The following CNTN4 variants were observed in gnomAD, a reference collection of about 807,000 sequenced individuals.
The protein encoded by CNTN4 is contactin-4.
CNTN4 carries 77 observed loss-of-function variants against 122.5 expected under a neutral mutation model. The observed-to-expected ratio is 0.63, with a 90% CI of 0.52 to 0.76. The LOEUF is 0.76. CNTN4 is among the 30% of genes least tolerant of loss of function. The pLI, the probability that CNTN4 is intolerant of heterozygous loss-of-function variation, is 0.00. For synonymous variants in CNTN4, 512 were observed against 447.0 expected, an observed-to-expected ratio of 1.15 and a Z score of -1.83; for missense variants, 1,256 against 1,259.1, an observed-to-expected ratio of 1.00 and a Z score of 0.04.
At chr3:2,779,483 G>A (rs2149838507) in intron 6 of CNTN4, among the ~76,000 whole-genome samples, 1 of 152,280 alleles carries the variant, frequency 6.6e-6, no homozygotes, top group Middle Eastern at 3.4e-3. Context: ...ACAGGCATGA[G>A]CCACAGTTGG....
At chr3:2,905,952 G>A (rs1358499147) in intron 12 of CNTN4, among the ~76,000 whole-genome samples, 1 of 152,222 alleles carries the variant, frequency 6.6e-6, no homozygotes, top group Non-Finnish European at 1.5e-5. Flanking sequence ...CTCAGTGGAT[G>A]AATGGGCAAA....
At chr3:2,834,902 T>TTTTTTTTTTTTTTTTTTTTG (rs2093186596) in intron 7 of CNTN4, among the ~76,000 whole-genome samples, 1 of 104,084 alleles carries the variant, frequency 9.6e-6, no homozygotes, top group Non-Finnish European at 1.9e-5. Context: ...GGCAACCTTT[T>TTTTTTTTTTTTTTTTTTTTG]TTTTTTTTTT....
intron 2 of CNTN4, among the ~76,000 whole-genome samples, chr3:2,138,240 G>GT (rs1229810741): frequency 2.2e-4 from 34 of 151,906 alleles, no homozygotes; most frequent in East Asian, 1.2e-3. Context: ...TAATTTTTGT[G>GT]TTTTTTTACT....
At chr3:2,906,175 C>T (rs1368981724) in intron 12 of CNTN4, among the ~76,000 whole-genome samples, 4 of 150,592 alleles carry the variant, frequency 2.7e-5, no homozygotes, top group Non-Finnish European at 4.4e-5. Flanking sequence ...TTGTCAGGGT[C>T]GGGGGAATCG....
chr3:2,943,629 T>TAA (rs2094640201), intron 13 of CNTN4, among the ~76,000 whole-genome samples: 1 of 61,948 alleles, frequency 1.6e-5, no homozygotes, highest in Non-Finnish European at 3.4e-5. Flanking sequence ...TATATATATA[T>TAA]ATTTTTTTTT....
chr3:2,973,363 T>C (rs1400067202), intron 13 of CNTN4, among the ~76,000 whole-genome samples: 1 of 152,008 alleles, frequency 6.6e-6, no homozygotes, highest in Admixed American at 6.6e-5. Flanking sequence ...TAAATACAGC[T>C]GACACAACCT....
At position 2,261,694 on chromosome 3, in the gene CNTN4, T is replaced by C. The variant is rs565076275; in HGVS notation, c.-144-77484T>C. Among the ~76,000 whole-genome samples, 5 of 152,302 alleles carry C rather than the reference T, an allele frequency of 3.3e-5. No homozygotes were observed. The South Asian group carries it at 1.0e-3, about 32-fold the overall frequency. On this transcript the variant is annotated intron_variant, in intron 2 of 24. Transcript: ENST00000418658. ...ATTCTATGGAATAGTGAAGGCCCGC[T>C]TGCTTCATTGTGCTTTCCTTTAAGT...
chr3:2,895,791 T>A (rs1434927316), intron 10 of CNTN4, among the ~76,000 whole-genome samples: 1 of 152,148 alleles, frequency 6.6e-6, no homozygotes, highest in African/African-American at 2.4e-5. Flanking sequence ...TCCCAGCACT[T>A]TGGGAGGCCG....
At chr3:2,250,375 C>G (rs1389257982) in intron 2 of CNTN4, among the ~76,000 whole-genome samples, 1 of 151,810 alleles carries the variant, frequency 6.6e-6, no homozygotes, top group Non-Finnish European at 1.5e-5. Context: ...TGTAGTTAAA[C>G]AAAATTAGAT....
chr3:2,955,289 C>G (rs768932234), intron 13 of CNTN4, among the ~76,000 whole-genome samples: 4 of 152,150 alleles, frequency 2.6e-5, no homozygotes, highest in Non-Finnish European at 5.9e-5. Flanking sequence ...GCACCTAAAT[C>G]TTATTTATTA....
At chr3:2,601,955 C>T (rs1022863098) in intron 4 of CNTN4, among the ~76,000 whole-genome samples, 1 of 152,012 alleles carries the variant, frequency 6.6e-6, no homozygotes, top group Non-Finnish European at 1.5e-5. Flanking sequence ...AATCAATAAA[C>T]GTAATCCATC....
intron 3 of CNTN4, among the ~76,000 whole-genome samples, chr3:2,470,375 A>G: frequency 6.6e-6 from 1 of 152,100 alleles, no homozygotes; most frequent in South Asian, 2.1e-4. Context: ...GCGCCTGGCC[A>G]TGTTGCTTAT....
intron 2 of CNTN4, among the ~76,000 whole-genome samples, chr3:2,172,920 A>C (rs147375930): frequency 1.3e-5 from 2 of 152,318 alleles, no homozygotes; most frequent in East Asian, 3.9e-4. Flanking sequence ...GGGCCAAAAG[A>C]GAAGAAAGGC....
chr3:2,481,443 G>A (rs1319393680), intron 3 of CNTN4, among the ~76,000 whole-genome samples: 1 of 152,000 alleles, frequency 6.6e-6, no homozygotes, highest in East Asian at 1.9e-4. Flanking sequence ...GCCCAGCCAA[G>A]ATAGTCTTTT....
At chr3:2,613,888 C>G (rs1313190311) in intron 4 of CNTN4, among the ~76,000 whole-genome samples, 1 of 151,750 alleles carries the variant, frequency 6.6e-6, no homozygotes, top group Non-Finnish European at 1.5e-5. Context: ...TAAACCTCAC[C>G]AAATCTATCC....
intron 12 of CNTN4, among the ~76,000 whole-genome samples, chr3:2,919,189 CA>C (rs72363068): frequency 1.2e-3 from 172 of 137,940 alleles, no homozygotes; most frequent in South Asian, 3.5e-3. Context: ...ACTAAAAATA[CA>C]AAAAAAAAAA....
chr3:2,160,277 A>G lies in CNTN4; in HGVS notation c.-145+59638A>G, dbSNP rs75362547. Among the ~76,000 whole-genome samples, 608 of 152,200 alleles carry G rather than the reference A, an allele frequency of 4.0e-3. 11 individuals carry two copies. Among genetic ancestry groups the G allele is most frequent in the East Asian group, 0.017 (89 of 5,174 alleles). On this transcript the variant is annotated intron_variant, in intron 2 of 24. Transcript: ENST00000418658. Reference sequence around the variant, plus strand: ...GACTAAAACCATCGTTTTACTGAAAAAGCAATTGTGAACTAAATAGGAGAG... The same window carrying G: ...GACTAAAACCATCGTTTTACTGAAAGAGCAATTGTGAACTAAATAGGAGAG...
At chr3:2,558,168 C>T (rs1261885910) in intron 3 of CNTN4, among the ~76,000 whole-genome samples, 5 of 152,178 alleles carry the variant, frequency 3.3e-5, no homozygotes, top group Non-Finnish European at 4.4e-5. Flanking sequence ...CGTTTCCATA[C>T]GCCCATCACT....
chr3:2,370,561 G>A (rs1159917998), intron 3 of CNTN4, among the ~76,000 whole-genome samples: 2 of 152,168 alleles, frequency 1.3e-5, no homozygotes, highest in East Asian at 3.8e-4. Flanking sequence ...AATGACAGCT[G>A]CTGAATGAGA....
Sources: allele counts gnomAD v4.1 joint callset (sites outside exome capture counted in the v4.1 genomes callset), GRCh38; gene constraint gnomAD v4.1.1; transcripts MANE v1.5; gene names NCBI Gene and HGNC (gene_info 2026-07-23, HGNC 2026-07-21).